Variants in HSD17B12 observed in about 807,000 individuals in gnomAD.
HSD17B12 encodes hydroxysteroid 17-beta dehydrogenase 12, also known as very-long-chain 3-oxoacyl-CoA reductase.
In HSD17B12, 32 loss-of-function variants were observed where a neutral mutation model predicts 39.3. The ratio of observed to expected loss-of-function variants is 0.81; its 90% confidence interval spans 0.61 to 1.09. HSD17B12 has a LOEUF of 1.09. HSD17B12 is among the 50% of genes least tolerant of loss of function. The pLI is 0.00. For synonymous variants in HSD17B12, 150 were observed against 146.7 expected (o/e 1.02, Z -0.16); for missense variants, 342 against 382.9 (o/e 0.89, Z 0.89).
At chr11:43,683,562 A>G (rs1323399489) in intron 1 of HSD17B12, among the ~76,000 whole-genome samples, 1 of 152,208 alleles carries the variant, frequency 6.6e-6, no homozygotes, top group Admixed American at 6.5e-5. Context: ...ACAAACTAGC[A>G]GAGATGACAC....
the HSD17B12 span, among the ~76,000 whole-genome samples, chr11:43,652,782 T>C: frequency 3.0e-4 from 46 of 152,168 alleles, no homozygotes; most frequent in Admixed American, 3.9e-4. Context: ...TGTTCAGATA[T>C]CTGGAAGCTC....
At chr11:43,821,967 T>C (rs1375723425) in intron 6 of HSD17B12, among the ~76,000 whole-genome samples, 1 of 152,188 alleles carries the variant, frequency 6.6e-6, no homozygotes, top group Admixed American at 6.5e-5. Flanking sequence ...GAACTGCCTG[T>C]GGTGCCTATG....
chr11:43,612,706 GGAA>G, the HSD17B12 span, among the ~76,000 whole-genome samples: 1 of 152,162 alleles, frequency 6.6e-6, no homozygotes, highest in Non-Finnish European at 1.5e-5. Flanking sequence ...AAAGGATGAA[GGAA>G]GAAGATGATG....
chr11:43,624,252 T>C, the HSD17B12 span, among the ~76,000 whole-genome samples: 1 of 151,938 alleles, frequency 6.6e-6, no homozygotes, highest in Admixed American at 6.6e-5. Context: ...TGTGTATAAT[T>C]TGAAGGAAAA....
chr11:43,625,672 A>G, the HSD17B12 span, among the ~76,000 whole-genome samples: 10 of 151,534 alleles, frequency 6.6e-5, no homozygotes, highest in East Asian at 1.9e-3. Context: ...GATTTTTGCC[A>G]GGTAGGAATA....
rs565415301 is a variant in HSD17B12 at position 43,856,496 on chromosome 11, A to G, written c.*1248A>G. On this transcript the variant is annotated 3_prime_UTR_variant, in exon 11 of 11. Coordinates refer to ENST00000278353, the MANE Select transcript of HSD17B12 (RefSeq NM_016142.3). ...AATAAACAAACAAAAACAAATAGCC[A>G]TCTGCTATCAGCATCATTATGTAAA... is the stretch of plus-strand genomic sequence containing the variant. The G allele has an allele frequency of 5.9e-5, 9 of 152,368 alleles. No homozygotes were observed. In the East Asian group the frequency reaches 1.5e-3, roughly 26 times the overall value. The allele number at this position is 152,368 out of a possible 1,614,324, so 9.4% of individuals were successfully genotyped here.
At chr11:43,819,503 A>G (rs539257679) in intron 6 of HSD17B12, among the ~76,000 whole-genome samples, 1 of 152,292 alleles carries the variant, frequency 6.6e-6, no homozygotes, top group South Asian at 2.1e-4. Flanking sequence ...TATGGATAAA[A>G]CAGCACAAAT....
At chr11:43,738,882 C>T (rs148668322) in intron 1 of HSD17B12, among the ~76,000 whole-genome samples, 3 of 152,178 alleles carry the variant, frequency 2.0e-5, no homozygotes, top group African/African-American at 7.2e-5. Context: ...CAGCATGAAC[C>T]GAAAGCACTC....
Position 43,750,901 on chromosome 11 carries a change from C to T in HSD17B12, c.161-10C>T. On this transcript the variant is annotated splice_polypyrimidine_tract_variant and intron_variant, in intron 1 of 10. Coordinates refer to ENST00000278353, the MANE Select transcript of HSD17B12 (RefSeq NM_016142.3). ...CTTAGACTAAACTATTGCTTTTTTCCCTTTCCCAGTTGTCACAGGTAGTAC... is the reference window on the plus strand; with the variant it reads ...CTTAGACTAAACTATTGCTTTTTTCTCTTTCCCAGTTGTCACAGGTAGTAC... 1 of 1,593,152 alleles carries T rather than the reference C, an allele frequency of 6.3e-7. No individual in the cohort carries two copies. Among genetic ancestry groups the T allele is most frequent in the South Asian group, 1.1e-5 (1 of 88,060 alleles).
intron 4 of HSD17B12, among the ~76,000 whole-genome samples, chr11:43,813,907 G>T (rs1336435450): frequency 6.6e-6 from 1 of 152,108 alleles, no homozygotes; most frequent in East Asian, 1.9e-4. Flanking sequence ...GTAAAATCTT[G>T]CAACTTACAG....
upstream of HSD17B12, among the ~76,000 whole-genome samples, chr11:43,676,619 C>A (rs1462700276): frequency 6.6e-6 from 1 of 152,144 alleles, no homozygotes; most frequent in Non-Finnish European, 1.5e-5. Flanking sequence ...ATACCTAGTA[C>A]CTAGCTCAGT....
the HSD17B12 span, among the ~76,000 whole-genome samples, chr11:43,617,931 T>C: frequency 1.3e-5 from 2 of 152,220 alleles, no homozygotes; most frequent in African/African-American, 2.4e-5. Flanking sequence ...ATGAAGATCC[T>C]GTTTGATTTG....
At chr11:43,703,591 C>A (rs1028031423) in intron 1 of HSD17B12, among the ~76,000 whole-genome samples, 4 of 152,106 alleles carry the variant, frequency 2.6e-5, no homozygotes, top group African/African-American at 9.7e-5. Flanking sequence ...GCTTCTGTGT[C>A]ATTTCTTGTT....
At chr11:43,630,805 C>CTTT in the HSD17B12 span, among the ~76,000 whole-genome samples, 14 of 137,978 alleles carry the variant, frequency 1.0e-4, no homozygotes, top group South Asian at 2.3e-4. Context: ...TTTTTTCTTT[C>CTTT]TTTTTTTTTT....
chr11:43,720,648 T>C (rs976022271), intron 1 of HSD17B12, among the ~76,000 whole-genome samples: 1 of 152,152 alleles, frequency 6.6e-6, no homozygotes, highest in Non-Finnish European at 1.5e-5. Context: ...AGATTCCATC[T>C]CTTGATGGGA....
chr11:43,562,925 G>T, the HSD17B12 span, among the ~76,000 whole-genome samples: 1 of 152,154 alleles, frequency 6.6e-6, no homozygotes, highest in Non-Finnish European at 1.5e-5. Flanking sequence ...AGTGTGGGTG[G>T]GAGAAGATCA....
At chr11:43,619,240 T>TAA in the HSD17B12 span, among the ~76,000 whole-genome samples, 1 of 12,768 alleles carries the variant, frequency 7.8e-5, no homozygotes, top group African/African-American at 1.3e-4. Flanking sequence ...TATATATATA[T>TAA]ATAAAATATA....
intron 1 of HSD17B12, among the ~76,000 whole-genome samples, chr11:43,736,324 A>G (rs1249996068): frequency 6.6e-6 from 1 of 151,582 alleles, no homozygotes; most frequent in Non-Finnish European, 1.5e-5. Flanking sequence ...GGACCTATAG[A>G]TGCTTTGAAT....
At chr11:43,640,958 A>G in the HSD17B12 span, 1 of 151,918 alleles carries the variant, frequency 6.6e-6, no homozygotes, top group Non-Finnish European at 1.5e-5. Flanking sequence ...ATAGGAAAAT[A>G]GCAAAAATTT....
Sources: gnomAD v4.1 joint callset for allele counts (sites outside exome capture counted in the v4.1 genomes callset) on GRCh38, gnomAD v4.1.1 for gene constraint, MANE v1.5 for transcripts, NCBI Gene and HGNC (gene_info 2026-07-23, HGNC 2026-07-21) for gene names.